Variants in ECE2 observed in about 807,000 individuals in gnomAD.
ECE2 encodes endothelin-converting enzyme 2.
A neutral mutation model predicts 100.6 loss-of-function variants in ECE2; 81 were observed. The ratio of observed to expected loss-of-function variants is 0.81; its 90% CI spans 0.67 to 0.97. The LOEUF (loss-of-function observed/expected upper bound fraction) is 0.97, where lower values mean the gene tolerates loss of function less well. ECE2 is among the 50% of genes least tolerant of loss of function. The pLI is 0.00. For synonymous variants in ECE2, 391 were observed against 391.5 expected, an observed-to-expected ratio of 1.00 and a Z score of 0.02; for missense variants, 911 against 988.1, an observed-to-expected ratio of 0.92 and a Z score of 1.05.
At position 184,277,353 on chromosome 3, in the gene ECE2, A is replaced by C; in HGVS notation, c.365A>C (p.Gln122Pro). The stretch of plus-strand genomic sequence containing the variant: ...GTGAGCCCCTGTGAGGACTTTTACC[A>C]GTTCTCCTGTGGGGGCTGGATTCGG... Reference protein sequence around the residue: ...RGVSPCEDFYQFSCGGWIRRN... With the variant: ...RGVSPCEDFYPFSCGGWIRRN... Residue 122 changes from glutamine (Q) to proline (P), a missense_variant, in exon 4 of 19, where the codon CAG becomes CCG. Physicochemically the swap from Gln to Pro is moderately conservative, Grantham distance 76 (BLOSUM62 -1). Transcript: ENST00000404464. The C allele has an allele frequency of 1.9e-6, 3 of 1,614,256 alleles. No homozygotes were observed. The highest frequency in any genetic ancestry group is 2.5e-6 in the Non-Finnish European group (3 of 1,180,044).
At chr3:184,276,258 C>T (rs1720542455) in intron 1 of ECE2, 66 bp downstream of exon 1, 3 of 1,432,746 alleles carry the variant, frequency 2.1e-6, no homozygotes, top group East Asian at 5.0e-5. Flanking sequence ...GAGGGGTCGG[C>T]CGCGGAGGGG....
Position 184,290,564 on chromosome 3 carries a change from A to G in ECE2, c.1663A>G (p.Met555Val). 6.2e-7 allele frequency: 1 copy of G among 1,614,062 alleles called. No homozygotes were observed. The highest frequency in any genetic ancestry group is 8.5e-7 in the Non-Finnish European group (1 of 1,179,956). Residue 555 changes from methionine to valine, a missense_variant, in exon 15 of 19, where the codon ATG becomes GTG. Coordinates refer to ENST00000404464, the MANE Select transcript of ECE2 (RefSeq NM_001100121.2). ...RKPPSRDQWS[M>V]TPQTVNAYYL... The stretch of plus-strand genomic sequence containing the variant: ...TCACTCTTCCTCCGCCAGGTGGAGC[A>G]TGACCCCCCAGACAGTGAATGCCTA...
rs79401952 is a variant in ECE2, at chr3:184,285,165, T to A, written c.1148+60T>A. 2.5e-3 allele frequency: 3,889 copies of A among 1,578,752 alleles called. 84 individuals are homozygous for A. The African/African-American group carries it at 0.046, about 19-fold the overall frequency. ...TGGAGGTCTCCAGCAAGGCTGGGCA[T>A]AATGGACAGGCCCAGCCACACAGAA... On this transcript the variant is annotated intron_variant, in intron 9 of 18. Coordinates refer to ENST00000404464, the MANE Select transcript of ECE2 (RefSeq NM_001100121.2).
rs779192386 is a variant in ECE2 at position 184,290,612 on chromosome 3, A to C, written c.1711A>C (p.Ile571Leu). ...CTACTACCTTCCAACTAAGAATGAG[A>C]TCGTCTTCCCCGCTGGCATCCTGCA... ...NAYYLPTKNE[I>L]VFPAGILQAP... The change falls in exon 15 of 19, where the codon ATC becomes CTC. Residue 571 changes from isoleucine to leucine, a missense_variant. Ile to Leu is a conservative substitution (Grantham distance 5). Coordinates refer to ENST00000404464, the MANE Select transcript of ECE2 (RefSeq NM_001100121.2). 6.2e-7 allele frequency: 1 copy of C among 1,614,066 alleles called. No individual in the cohort carries two copies. Among genetic ancestry groups the C allele is most frequent in the African/African-American group, 1.3e-5 (1 of 74,980 alleles).
rs1720598424 is a variant in ECE2 at position 184,277,254 on chromosome 3, C to T, written c.266C>T (p.Pro89Leu). 1.2e-6 allele frequency: 2 copies of T among 1,614,142 alleles called. No individual in the cohort carries two copies. Among genetic ancestry groups the T allele is most frequent in the African/African-American group, 2.7e-5 (2 of 74,948 alleles). Residue 89 changes from proline (P) to leucine (L), a missense_variant, in exon 4 of 19, where the codon CCA becomes CTA. By Grantham distance (98) the Pro-to-Leu change is moderately conservative. Coordinates refer to ENST00000404464, the MANE Select transcript of ECE2 (RefSeq NM_001100121.2). ...CCGGCCATGTTCCCTACCACAGACC[C>T]ATCCCACAGCACCTGCCTTACAGAG... is the stretch of plus-strand genomic sequence containing the variant. The part of the protein sequence containing the change: ...VALGVQYHRD[P>L]SHSTCLTEAC...
At position 184,277,274 on chromosome 3, in the gene ECE2, A is replaced by G; in HGVS notation, c.286A>G (p.Thr96Ala). Residue 96 changes from threonine (T) to alanine (A), a missense_variant, in exon 4 of 19, where the codon ACA (threonine) becomes GCA (alanine). Thr to Ala is a moderately conservative substitution (Grantham distance 58). Coordinates refer to ENST00000404464, the MANE Select transcript of ECE2 (RefSeq NM_001100121.2). The stretch of plus-strand genomic sequence containing the variant: ...AGACCCATCCCACAGCACCTGCCTT[A>G]CAGAGGCCTGCATTCGAGTGGCTGG... ...HRDPSHSTCL[T>A]EACIRVAGKI... 6.2e-7 allele frequency: 1 copy of G among 1,614,100 alleles called. No individual in the cohort carries two copies. The highest frequency in any genetic ancestry group is 1.1e-5 in the South Asian group (1 of 91,072).
chr3:184,276,276 T>C (rs1352638388), intron 1 of ECE2, 84 bp downstream of exon 1: 2 of 1,424,334 alleles, frequency 1.4e-6, no homozygotes, highest in South Asian at 1.4e-5. Flanking sequence ...GGGCAGGCGG[T>C]GCCCGGCTCG....
Position 184,292,418 on chromosome 3 carries a change from G to T in ECE2, c.*180G>T. On this transcript the variant is annotated 3_prime_UTR_variant, in exon 19 of 19. Coordinates refer to ENST00000404464, the MANE Select transcript of ECE2 (RefSeq NM_001100121.2). Reference sequence around the variant, plus strand: ...TCACCACATTGTGCCTCTGCTTTGGGGGTGCCCCTGCCTCCAGCAGAGCCC... The same window carrying T: ...TCACCACATTGTGCCTCTGCTTTGGTGGTGCCCCTGCCTCCAGCAGAGCCC... The T allele has an allele frequency of 1.5e-6, 1 of 678,574 alleles. No individual in the cohort carries two copies. Among genetic ancestry groups the T allele is most frequent in the Non-Finnish European group, 2.5e-6 (1 of 406,572 alleles). 42.0% of individuals were successfully genotyped at this position (678,574 alleles called of 1,614,324 possible).
At position 184,291,691 on chromosome 3, in the gene ECE2, T is replaced by A; in HGVS notation, c.2121+252T>A. 1 of 295,978 alleles carries A rather than the reference T, an allele frequency of 3.4e-6. No homozygotes were observed. Among genetic ancestry groups the A allele is most frequent in the Non-Finnish European group, 5.9e-6 (1 of 169,888 alleles). The allele number at this position is 295,978 out of a possible 1,614,324, so 18.3% of individuals were successfully genotyped here. A position where few individuals can be genotyped will look rare whatever the true frequency, so the allele number is the denominator to read the frequency against. On this transcript the variant is annotated intron_variant, in intron 18 of 18. Transcript: ENST00000404464. This position sits in a 1 kb window ranked among gnomAD's most constrained non-coding sequence, Gnocchi z 4.1. ...CATAGTTCAAAGGGCAAGGTTGTCG[T>A]GCTTGCGGGGCACAGGGTGGCGAAG... is the stretch of plus-strand genomic sequence containing the variant.
chr3:184,290,576 A>G lies in ECE2; in HGVS notation c.1675A>G (p.Thr559Ala). ...CGCCAGGTGGAGCATGACCCCCCAG[A>G]CAGTGAATGCCTACTACCTTCCAAC... Reference protein sequence around the residue: ...SRDQWSMTPQTVNAYYLPTKN... With the variant: ...SRDQWSMTPQAVNAYYLPTKN... Residue 559 changes from threonine to alanine, a missense_variant, in exon 15 of 19, where the codon ACA (threonine) becomes GCA (alanine). Thr to Ala is a moderately conservative substitution (Grantham distance 58, BLOSUM62 0). Transcript: ENST00000404464. The G allele has an allele frequency of 2.5e-6, 4 of 1,614,116 alleles. No homozygotes were observed. Among genetic ancestry groups the G allele is most frequent in the Non-Finnish European group, 3.4e-6 (4 of 1,180,016 alleles).
At chr3:184,286,618 C>T (rs900464661) in intron 10 of ECE2, among the ~76,000 whole-genome samples, 5 of 151,554 alleles carry the variant, frequency 3.3e-5, no homozygotes, top group African/African-American at 1.2e-4. Flanking sequence ...GCCTTGCCAA[C>T]ACGGTAAAAC....
intron 13 of ECE2, 43 bp from the exon 14 acceptor site, chr3:184,290,212 A>G (rs778989587): frequency 4.6e-5 from 70 of 1,532,250 alleles, no homozygotes; most frequent in African/African-American, 8.2e-5. Flanking sequence ...ATCTTCTCCA[A>G]TGGATTCTCT....
At chr3:184,277,227 C>T in intron 3 of ECE2, 24 bp from the exon 4 acceptor site, 1 of 1,613,694 alleles carries the variant, frequency 6.2e-7, no homozygotes, top group Non-Finnish European at 8.5e-7. Context: ...GTCTCCTACC[C>T]TCCGGCCATG....
intron 1 of ECE2, 77 bp downstream of exon 1, chr3:184,276,269 C>T (rs1720543141): frequency 7.0e-7 from 1 of 1,427,330 alleles, no homozygotes. Context: ...CGCGGAGGGG[C>T]AGGCGGTGCC....
intron 14 of ECE2, 64 bp downstream of exon 14, chr3:184,290,422 G>A (rs946128026): frequency 1.3e-6 from 2 of 1,580,870 alleles, no homozygotes; most frequent in African/African-American, 2.7e-5. Context: ...AGGTTCCTGG[G>A]ATGGGGGAAA....
rs371470060 is a variant in ECE2, at chr3:184,276,519, C to G, written c.78C>G (p.Asp26Glu). ...EYKRATLRDEDAPETPVEGGA... is the reference protein window; with the variant it reads ...EYKRATLRDEEAPETPVEGGA... The stretch of plus-strand genomic sequence containing the variant: ...AACGGGCCACGCTTCGGGATGAAGA[C>G]GCACCCGAGACCCCCGTAGAGGGCG... Residue 26 changes from aspartate (D) to glutamate (E), a missense_variant, in exon 2 of 19, where the codon GAC becomes GAG. Transcript: ENST00000404464. 1 of 1,611,386 alleles carries G rather than the reference C, an allele frequency of 6.2e-7. No individual in the cohort carries two copies. Among genetic ancestry groups the G allele is most frequent in the Non-Finnish European group, 8.5e-7 (1 of 1,179,752 alleles).
At chr3:184,281,956 A>G (rs1174421250) in intron 7 of ECE2, among the ~76,000 whole-genome samples, 1 of 152,148 alleles carries the variant, frequency 6.6e-6, no homozygotes, top group African/African-American at 2.4e-5. Context: ...AAAATTAGCC[A>G]TGCGTGGTGG....
At chr3:184,280,547 C>T (rs1195029673) in intron 7 of ECE2, among the ~76,000 whole-genome samples, 1 of 152,156 alleles carries the variant, frequency 6.6e-6, no homozygotes, top group East Asian at 1.9e-4. Flanking sequence ...GCCTGAGGGG[C>T]ATCTCCTTAG....
Position 184,277,947 on chromosome 3 carries a change from C to T in ECE2, c.501C>T (p.Ser167=), listed in dbSNP as rs370586413. The change falls in exon 5 of 19, where the codon AGC becomes AGT. Residue 167 remains serine, a synonymous_variant. Coordinates refer to ENST00000404464, the MANE Select transcript of ECE2 (RefSeq NM_001100121.2). ...CAGAAAACACCACCTTCAACTCCAG[C>T]AGTGAAGCTGAGCAGAAGACACAGC... ...HLLENTTFNS[S]SEAEQKTQRF... The T allele has an allele frequency of 3.7e-6, 6 of 1,612,650 alleles. No individual in the cohort carries two copies. Among genetic ancestry groups the T allele is most frequent in the Non-Finnish European group, 5.1e-6 (6 of 1,180,022 alleles).
Sources: gnomAD v4.1 joint callset for allele counts (sites outside exome capture counted in the v4.1 genomes callset) on GRCh38, gnomAD v4.1.1 for gene constraint, Gnocchi (gnomAD v3.1) non-coding constraint, MANE v1.5 for transcripts, NCBI Gene and HGNC (gene_info 2026-07-23, HGNC 2026-07-21) for gene names.